POFUT1: variants seen among roughly 807,000 people sequenced by gnomAD.
POFUT1 encodes GDP-fucose protein O-fucosyltransferase 1.
POFUT1 carries 16 observed loss-of-function variants against 42.4 expected under a neutral mutation model. That is an observed-to-expected ratio of 0.38 (90% confidence interval 0.26 to 0.57). The LOEUF (loss-of-function observed/expected upper bound fraction) is 0.57. Among genes scored for constraint, POFUT1 ranks in the 20% least tolerant of loss-of-function variants. POFUT1 has a pLI of 0.71. For missense variants in POFUT1, 470 were observed against 504.6 expected (o/e 0.93, Z 0.66); for synonymous variants, 206 against 205.4 (o/e 1.00, Z -0.03).
At chr20:32,228,481 G>T in intron 5 of POFUT1, 26 bp downstream of exon 5, 1 of 1,602,836 alleles carries the variant, frequency 6.2e-7, no homozygotes, top group Non-Finnish European at 8.5e-7. Flanking sequence ...CTCTCTCACT[G>T]GCTAACTTGG....
chr20:32,208,917 T>C (rs183540288), intron 1 of POFUT1, among the ~76,000 whole-genome samples: 2 of 152,032 alleles, frequency 1.3e-5, no homozygotes, highest in East Asian at 3.9e-4. Context: ...TAAGGGAAAA[T>C]AAAGAGAGCA....
chr20:32,216,876 CT>C, intron 4 of POFUT1, 155 bp downstream of exon 4: 2 of 1,504,270 alleles, frequency 1.3e-6, no homozygotes, highest in Non-Finnish European at 1.8e-6. Context: ...CCTGTGTGAT[CT>C]GTTCCCATGT....
intron 2 of POFUT1, among the ~76,000 whole-genome samples, chr20:32,215,010 C>G (rs561388814): frequency 6.6e-6 from 1 of 152,128 alleles, no homozygotes; most frequent in African/African-American, 2.4e-5. Flanking sequence ...ACCTCAGTCT[C>G]CCCAGTAGCT....
In POFUT1 at chr20:32,221,970, T is replaced by G. The variant is rs145878619; in HGVS notation, c.542+5249T>G. Reference sequence around the variant, plus strand: ...TCTTAAGTAAAAGAAGATCTGGGTATGCAGTCCAGAGCTGAATGCCAGCTC... The same window carrying G: ...TCTTAAGTAAAAGAAGATCTGGGTAGGCAGTCCAGAGCTGAATGCCAGCTC... On this transcript the variant is annotated intron_variant, in intron 4 of 6. Transcript: ENST00000375749. Among the ~76,000 whole-genome samples, 339 of 152,226 alleles carry G rather than the reference T, an allele frequency of 2.2e-3. 1 individual carries two copies. Among genetic ancestry groups the G allele is most frequent in the African/African-American group, 7.9e-3 (328 of 41,542 alleles).
chr20:32,209,633 A>T (rs1322380125), intron 1 of POFUT1, among the ~76,000 whole-genome samples: 1 of 152,244 alleles, frequency 6.6e-6, no homozygotes, highest in Non-Finnish European at 1.5e-5. Flanking sequence ...ATACTTGAGG[A>T]AAATTGAAGA....
intron 4 of POFUT1, chr20:32,222,697 C>T (rs754601942): frequency 1.0e-6 from 1 of 985,362 alleles, no homozygotes; most frequent in Non-Finnish European, 1.2e-6. Context: ...TTCTTCTTTA[C>T]CACGTGATTT....
At chr20:32,233,314 C>T (rs575178599) in intron 6 of POFUT1, among the ~76,000 whole-genome samples, 1 of 152,246 alleles carries the variant, frequency 6.6e-6, no homozygotes, top group African/African-American at 2.4e-5. Context: ...ACCACTGAAG[C>T]CGAGATGCGA....
At chr20:32,227,280 G>T (rs533394654) in intron 4 of POFUT1, among the ~76,000 whole-genome samples, 2 of 152,290 alleles carry the variant, frequency 1.3e-5, no homozygotes, top group African/African-American at 4.8e-5. Flanking sequence ...ACACTGGGAG[G>T]CCTAAGTAGG....
intron 6 of POFUT1, among the ~76,000 whole-genome samples, chr20:32,233,723 CAG>C (rs1443026379): frequency 6.6e-6 from 1 of 152,118 alleles, no homozygotes; most frequent in South Asian, 2.1e-4. Context: ...GGGAATATCT[CAG>C]GGGTAGATTG....
At position 32,223,036 on chromosome 20, in the gene POFUT1, G is replaced by A. The variant is rs762162279; in HGVS notation, c.543-5227G>A. ...CCTGGGTCTTCTGCACTCAATATGG[G>A]TTTCATCCACTGGTGGTCCCACAGA... On this transcript the variant is annotated intron_variant, in intron 4 of 6. Transcript: ENST00000375749. The A allele has an allele frequency of 1.0e-5, 10 of 985,248 alleles. No homozygotes were observed. The East Asian group carries it at 1.0e-3, about 100-fold the overall frequency. 61.0% of individuals were successfully genotyped at this position (985,248 alleles called of 1,614,324 possible). A position where few individuals can be genotyped will look rare whatever the true frequency, so the allele number is the denominator to read the frequency against.
At chr20:32,226,798 T>A (rs188728929) in intron 4 of POFUT1, among the ~76,000 whole-genome samples, 53 of 152,310 alleles carry the variant, frequency 3.5e-4, no homozygotes, top group African/African-American at 1.2e-3. Flanking sequence ...TTGGTGGGGT[T>A]CATATTCCAT....
chr20:32,217,180 A>G (rs2047366617), intron 4 of POFUT1: 1 of 1,469,492 alleles, frequency 6.8e-7, no homozygotes, highest in South Asian at 1.4e-5. Flanking sequence ...GGTTAGCAGG[A>G]CGTGGGCACA....
chr20:32,217,811 G>A (rs1049924730), intron 4 of POFUT1: 2 of 906,572 alleles, frequency 2.2e-6, no homozygotes, highest in Non-Finnish European at 1.3e-6. Context: ...CATTTTATAG[G>A]TGAGGAAACT....
chr20:32,219,691 G>A (rs1357289682), intron 4 of POFUT1, among the ~76,000 whole-genome samples: 1 of 151,696 alleles, frequency 6.6e-6, no homozygotes, highest in Admixed American at 6.6e-5. Context: ...TAGAGACGGG[G>A]TTTCACCGTG....
At chr20:32,233,118 G>A (rs1347667478) in intron 6 of POFUT1, among the ~76,000 whole-genome samples, 1 of 152,222 alleles carries the variant, frequency 6.6e-6, no homozygotes, top group Non-Finnish European at 1.5e-5. Context: ...CAGCAGTGGA[G>A]AGCAAACCAA....
At chr20:32,224,791 C>G (rs1193578775) in intron 4 of POFUT1, among the ~76,000 whole-genome samples, 1 of 152,162 alleles carries the variant, frequency 6.6e-6, no homozygotes, top group African/African-American at 2.4e-5. Context: ...AACGACCTCA[C>G]TGTCTAGCAA....
At chr20:32,230,768 G>C in intron 5 of POFUT1, 51 bp from the exon 6 acceptor site, 1 of 1,594,582 alleles carries the variant, frequency 6.3e-7, no homozygotes. Flanking sequence ...TCTTGCTTCT[G>C]GGGTTCCAGG....
Position 32,208,004 on chromosome 20 carries a change from C to T in POFUT1, c.63C>T (p.Leu21=). The T allele has an allele frequency of 6.3e-7, 1 of 1,587,328 alleles. No homozygotes were observed. Among genetic ancestry groups the T allele is most frequent in the Non-Finnish European group, 8.5e-7 (1 of 1,171,582 alleles). The change falls in exon 1 of 7, where the codon CTC becomes CTT. Residue 21 remains leucine (L), a synonymous_variant. Coordinates refer to ENST00000375749, the MANE Select transcript of POFUT1 (RefSeq NM_015352.2). ...CTTTCCTGCTGCTGCTTCTGCCGCT[C>T]CCGGGGATGCCTGCGGGCTCCTGGG... The part of the protein sequence containing the change: ...SVSFLLLLLP[L]PGMPAGSWDP...
rs367942621 is a variant in POFUT1, at chr20:32,230,868, T to C, written c.785T>C (p.Met262Thr). 131 of 1,614,038 alleles carry C rather than the reference T, an allele frequency of 8.1e-5. No individual in the cohort carries two copies. The highest frequency in any genetic ancestry group is 1.1e-4 in the Non-Finnish European group (129 of 1,180,034). The change falls in exon 6 of 7, where the codon ATG (methionine) becomes ACG (threonine). Residue 262 changes from methionine (M) to threonine (T), a missense_variant. By Grantham distance (81) the Met-to-Thr change is moderately conservative. Transcript: ENST00000375749. ...GACGGGACTGCAGGCTCGCACTTCA[T>C]GGCCTCTCCGCAGTGTGTGGGCTAC... ...LKDGTAGSHF[M>T]ASPQCVGYSR...
Sources: allele counts gnomAD v4.1 joint callset (sites outside exome capture counted in the v4.1 genomes callset), GRCh38; gene constraint gnomAD v4.1.1; transcripts MANE v1.5; gene names NCBI Gene and HGNC (gene_info 2026-07-23, HGNC 2026-07-21).